HDAC9: variants seen among roughly 807,000 people sequenced by gnomAD.
The protein encoded by HDAC9 is MEF-2 interacting transcription repressor (MITR) protein.
Under a neutral mutation model 139.4 loss-of-function variants are expected in HDAC9, and 41 were observed. The observed-to-expected ratio is 0.29, with a 90% CI of 0.23 to 0.38. HDAC9 has a LOEUF of 0.38. Among genes scored for constraint, HDAC9 ranks in the 10% least tolerant of loss-of-function variants. HDAC9 has a pLI of 1.00. For synonymous variants in HDAC9, 517 were observed against 476.2 expected (o/e 1.09, Z -1.12); for missense variants, 1,147 against 1,297.0 (o/e 0.88, Z 1.78).
chr7:18,178,640 T>G (rs945148150), intron 2 of HDAC9, among the ~76,000 whole-genome samples: 1 of 152,222 alleles, frequency 6.6e-6, no homozygotes, highest in Non-Finnish European at 1.5e-5. Context: ...TGGTTAAGAA[T>G]AGTGGAAAGA....
intron 1 of HDAC9, among the ~76,000 whole-genome samples, chr7:18,352,053 A>G (rs1303993125): frequency 2.0e-5 from 3 of 152,198 alleles, no homozygotes; most frequent in African/African-American, 7.2e-5. Flanking sequence ...TTTTCTCACA[A>G]TAACTGTGGG....
chr7:18,453,580 T>C (rs939097730), intron 1 of HDAC9, among the ~76,000 whole-genome samples: 2 of 152,152 alleles, frequency 1.3e-5, no homozygotes, highest in African/African-American at 4.8e-5. Context: ...GAGGTTGTGG[T>C]GACACAAGTG....
At chr7:18,818,714 G>A (rs1018870075) in intron 17 of HDAC9, among the ~76,000 whole-genome samples, 1 of 152,106 alleles carries the variant, frequency 6.6e-6, no homozygotes, top group African/African-American at 2.4e-5. Context: ...GGTACACGAT[G>A]TGTTCTTACT....
Position 18,733,670 on chromosome 7 carries a change from A to G in HDAC9, c.1909+5913A>G, listed in dbSNP as rs979631854. Among the ~76,000 whole-genome samples, 60 of 151,940 alleles carry G rather than the reference A, an allele frequency of 3.9e-4. 1 individual carries two copies. Among genetic ancestry groups the G allele is most frequent in the African/African-American group, 1.4e-3 (59 of 41,496 alleles). On this transcript the variant is annotated intron_variant, in intron 13 of 25. Coordinates refer to ENST00000686413, the MANE Select transcript of HDAC9 (RefSeq NM_178425.4). ...TATATAATACATATTATTTATGTGT[A>G]TCTCATATGTATACATACATACACA... is the stretch of plus-strand genomic sequence containing the variant.
At chr7:18,881,923 T>C (rs1240315108) in intron 22 of HDAC9, among the ~76,000 whole-genome samples, 1 of 152,094 alleles carries the variant, frequency 6.6e-6, no homozygotes, top group African/African-American at 2.4e-5. Context: ...AACCTTAAAC[T>C]TGAAGGGCTT....
chr7:18,557,481 A>G (rs989439861), intron 2 of HDAC9, among the ~76,000 whole-genome samples: 1 of 150,632 alleles, frequency 6.6e-6, no homozygotes, highest in Non-Finnish European at 1.5e-5. Context: ...TATCTGTTTC[A>G]TCTATAATAT....
chr7:18,987,176 C>T (rs913240851), intron 25 of HDAC9, among the ~76,000 whole-genome samples: 1 of 152,160 alleles, frequency 6.6e-6, no homozygotes, highest in African/African-American at 2.4e-5. Context: ...CCAGTTTTTG[C>T]CCATTCAGTA....
At chr7:18,217,279 T>A (rs1320034913) in intron 2 of HDAC9, among the ~76,000 whole-genome samples, 1 of 152,130 alleles carries the variant, frequency 6.6e-6, no homozygotes, top group Non-Finnish European at 1.5e-5. Context: ...GTTACTTTAC[T>A]ATTTTATCTT....
intron 1 of HDAC9, among the ~76,000 whole-genome samples, chr7:18,420,318 C>T (rs1489368981): frequency 4.6e-5 from 7 of 152,188 alleles, no homozygotes; most frequent in Non-Finnish European, 1.0e-4. Flanking sequence ...TGACTTCTCT[C>T]ATGTTACTTT....
At chr7:18,101,244 T>C (rs879471859) in intron 1 of HDAC9, among the ~76,000 whole-genome samples, 2 of 152,188 alleles carry the variant, frequency 1.3e-5, no homozygotes, top group Non-Finnish European at 2.9e-5. Flanking sequence ...CCAATTCATC[T>C]CCTCAATTCA....
chr7:18,742,340 C>A (rs1469900910), intron 13 of HDAC9, among the ~76,000 whole-genome samples: 1 of 152,152 alleles, frequency 6.6e-6, no homozygotes, highest in Non-Finnish European at 1.5e-5. Context: ...CAAGGCAAGA[C>A]CCTCCACAAG....
At chr7:18,776,013 C>G (rs1585016924) in intron 16 of HDAC9, among the ~76,000 whole-genome samples, 1 of 152,004 alleles carries the variant, frequency 6.6e-6, no homozygotes, top group South Asian at 2.1e-4. Context: ...CTCATTGAAG[C>G]CTCAACCTCC....
chr7:18,800,257 C>T (rs544014365), intron 17 of HDAC9, among the ~76,000 whole-genome samples: 1 of 152,328 alleles, frequency 6.6e-6, no homozygotes, highest in African/African-American at 2.4e-5. Flanking sequence ...ACATACTACT[C>T]ATTACTTCAA....
At chr7:18,265,402 AT>A (rs890318797) in intron 2 of HDAC9, among the ~76,000 whole-genome samples, 4 of 152,188 alleles carry the variant, frequency 2.6e-5, no homozygotes, top group Admixed American at 6.5e-5. Context: ...TCAGCCATTT[AT>A]TTAGAACGCC....
intron 2 of HDAC9, among the ~76,000 whole-genome samples, chr7:18,267,447 C>G (rs1484698827): frequency 2.0e-5 from 3 of 152,072 alleles, no homozygotes; most frequent in African/African-American, 7.2e-5. Flanking sequence ...TCCCCAGTCT[C>G]TTCCCCACAA....
intron 24 of HDAC9, among the ~76,000 whole-genome samples, chr7:18,970,139 T>C (rs1007149613): frequency 1.3e-5 from 2 of 152,144 alleles, no homozygotes; most frequent in African/African-American, 4.8e-5. Flanking sequence ...TTATAGGCAA[T>C]TCTATCAAAA....
intron 2 of HDAC9, among the ~76,000 whole-genome samples, chr7:18,575,937 G>C (rs1825821946): frequency 6.6e-6 from 1 of 152,122 alleles, no homozygotes; most frequent in Non-Finnish European, 1.5e-5. Flanking sequence ...CATGAAATTT[G>C]GAATAGTGGT....
chr7:18,731,357 C>A (rs772453284), intron 13 of HDAC9, among the ~76,000 whole-genome samples: 1 of 152,072 alleles, frequency 6.6e-6, no homozygotes. Flanking sequence ...TGGCTTAAAT[C>A]TATCCTCTAA....
chr7:18,438,645 C>CGTGCGT (rs1585905190), intron 1 of HDAC9, among the ~76,000 whole-genome samples: 1 of 147,950 alleles, frequency 6.8e-6, no homozygotes, highest in African/African-American at 2.5e-5. Context: ...GCTGTGTGTG[C>CGTGCGT]GTGTGTGTGT....
Sources: gnomAD v4.1 joint callset for allele counts (sites outside exome capture counted in the v4.1 genomes callset) on GRCh38, gnomAD v4.1.1 for gene constraint, MANE v1.5 for transcripts, NCBI Gene and HGNC (gene_info 2026-07-23, HGNC 2026-07-21) for gene names.